Variants in FGGY observed in about 807,000 individuals in gnomAD.
The protein encoded by FGGY is FGGY carbohydrate kinase domain containing, also known as FGGY carbohydrate kinase domain-containing protein.
Under a neutral mutation model 71.3 loss-of-function variants are expected in FGGY, and 72 were observed. The observed-to-expected ratio is 1.01, with a 90% CI of 0.84 to 1.23. The LOEUF (loss-of-function observed/expected upper bound fraction) is 1.23, where lower values mean the gene tolerates loss of function less well. Ranked by LOEUF, FGGY falls within the 50% of genes most tolerant of loss-of-function variation. The probability of loss-of-function intolerance (pLI) is 0.00; values close to 1 mark genes in which losing one functional copy is unlikely to be tolerated. For missense variants in FGGY, 668 were observed against 682.3 expected, an observed-to-expected ratio of 0.98 and a Z score of 0.23; for synonymous variants, 251 against 250.3, an observed-to-expected ratio of 1.00 and a Z score of -0.02.
At chr1:59,514,271 A>G (rs11207464) in intron 7 of FGGY, among the ~76,000 whole-genome samples, 17,504 of 152,052 alleles carry the variant, frequency 0.12, 1,207 homozygotes, top group Admixed American at 0.18. Flanking sequence ...CTGGGTGACA[A>G]TCACTTGGCT....
chr1:59,586,882 T>C (rs974953068), intron 8 of FGGY, among the ~76,000 whole-genome samples: 1 of 152,162 alleles, frequency 6.6e-6, no homozygotes, highest in African/African-American at 2.4e-5. Context: ...AGACGGGTGA[T>C]TTCTGCATTT....
At position 59,607,789 on chromosome 1, in the gene FGGY, A is replaced by ATC. The variant is rs1347315710; in HGVS notation, c.904-12_904-11dup. The ATC allele has an allele frequency of 6.2e-7, 1 of 1,604,302 alleles. No individual in the cohort carries two copies. The highest frequency in any genetic ancestry group is 8.5e-7 in the Non-Finnish European group (1 of 1,171,892). On this transcript the variant is annotated splice_polypyrimidine_tract_variant and intron_variant, in intron 8 of 15. Coordinates refer to ENST00000303721, the MANE Select transcript of FGGY (RefSeq NM_018291.5). ...GAGTCAATGTTTTCACATATTTTCC[A>ATC]TCTTTCTTTCCAGATCAGCAAAGAC...
At chr1:59,437,867 A>G (rs957725333) in intron 5 of FGGY, among the ~76,000 whole-genome samples, 3 of 152,244 alleles carry the variant, frequency 2.0e-5, no homozygotes, top group African/African-American at 4.8e-5. Flanking sequence ...GTAGTGAAGT[A>G]GTGAGGCCCA....
chr1:59,451,738 T>G (rs942545742), intron 5 of FGGY, among the ~76,000 whole-genome samples: 3 of 151,838 alleles, frequency 2.0e-5, no homozygotes, highest in Non-Finnish European at 4.4e-5. Context: ...GTTGAAAATG[T>G]TTTTTTTGCC....
chr1:59,328,810 C>A (rs2047905297), intron 2 of FGGY, among the ~76,000 whole-genome samples: 1 of 150,778 alleles, frequency 6.6e-6, no homozygotes, highest in Non-Finnish European at 1.5e-5. Flanking sequence ...GGTAGGGATC[C>A]CTAAGGAGAG....
At position 59,700,500 on chromosome 1, in the gene FGGY, G is replaced by A. The variant is rs562140605; in HGVS notation, c.1512+26367G>A. Among the ~76,000 whole-genome samples the A allele has an allele frequency of 3.0e-4, 45 of 152,306 alleles. 1 individual carries two copies. The highest frequency in any genetic ancestry group is 8.7e-4 in the African/African-American group (36 of 41,564). On this transcript the variant is annotated intron_variant, in intron 14 of 15. Coordinates refer to ENST00000303721, the MANE Select transcript of FGGY (RefSeq NM_018291.5). ...GTAGTGCATGAGCTTATCACAGGTCGTGTGCAATAAGAGTTTATGTTATTA... is the reference window on the plus strand; with the variant it reads ...GTAGTGCATGAGCTTATCACAGGTCATGTGCAATAAGAGTTTATGTTATTA...
At chr1:59,519,032 A>T (rs2094745020) in intron 7 of FGGY, among the ~76,000 whole-genome samples, 1 of 152,226 alleles carries the variant, frequency 6.6e-6, no homozygotes, top group Non-Finnish European at 1.5e-5. Flanking sequence ...TATTTATCTT[A>T]CACTTAGTTC....
At chr1:59,382,382 C>T (rs1163616084) in intron 5 of FGGY, among the ~76,000 whole-genome samples, 1 of 152,152 alleles carries the variant, frequency 6.6e-6, no homozygotes, top group Non-Finnish European at 1.5e-5. Flanking sequence ...TGCGGTGAAA[C>T]AATCATTAGC....
At chr1:59,475,331 T>A (rs964522317) in intron 6 of FGGY, among the ~76,000 whole-genome samples, 1 of 152,078 alleles carries the variant, frequency 6.6e-6, no homozygotes, top group African/African-American at 2.4e-5. Flanking sequence ...AATCTTTAGC[T>A]TTTTTTCCAT....
intron 5 of FGGY, among the ~76,000 whole-genome samples, chr1:59,453,866 A>G (rs952217523): frequency 2.0e-5 from 3 of 152,192 alleles, no homozygotes; most frequent in Non-Finnish European, 4.4e-5. Context: ...CCTGCCTACA[A>G]TGTGGGGGAC....
At chr1:59,637,841 A>G (rs2096977096) in intron 10 of FGGY, among the ~76,000 whole-genome samples, 1 of 152,246 alleles carries the variant, frequency 6.6e-6, no homozygotes, top group Non-Finnish European at 1.5e-5. Context: ...TACAGTTTAC[A>G]AAATACTGCG....
intron 13 of FGGY, among the ~76,000 whole-genome samples, chr1:59,670,428 C>T (rs377054980): frequency 6.6e-6 from 1 of 152,192 alleles, no homozygotes; most frequent in Admixed American, 6.5e-5. Flanking sequence ...AAAACACATT[C>T]GAATTTGGGA....
intron 8 of FGGY, among the ~76,000 whole-genome samples, chr1:59,562,940 C>G (rs1216104840): frequency 6.6e-6 from 1 of 152,030 alleles, no homozygotes; most frequent in Non-Finnish European, 1.5e-5. Flanking sequence ...GAAAAAAGAT[C>G]GATTTTGTAT....
chr1:59,460,903 A>G (rs980928561), intron 6 of FGGY, among the ~76,000 whole-genome samples: 4 of 152,168 alleles, frequency 2.6e-5, no homozygotes, highest in African/African-American at 9.7e-5. Flanking sequence ...AACAAAAAGG[A>G]CATCCACAAC....
intron 14 of FGGY, among the ~76,000 whole-genome samples, chr1:59,716,719 G>A (rs1170175158): frequency 6.6e-6 from 1 of 152,232 alleles, no homozygotes; most frequent in Non-Finnish European, 1.5e-5. Flanking sequence ...GAACAAGAGA[G>A]CGGACAGGGG....
chr1:59,483,891 T>C (rs1005145998), intron 6 of FGGY, among the ~76,000 whole-genome samples: 1 of 151,638 alleles, frequency 6.6e-6, no homozygotes, highest in African/African-American at 2.4e-5. Flanking sequence ...TGAAAAAAAA[T>C]AAAAGATGAA....
At chr1:59,407,546 C>T (rs1347119315) in intron 5 of FGGY, among the ~76,000 whole-genome samples, 4 of 151,996 alleles carry the variant, frequency 2.6e-5, no homozygotes, top group Non-Finnish European at 5.9e-5. Flanking sequence ...CTAGCTCATC[C>T]ACGGGGAGAG....
At chr1:59,335,470 G>A (rs2049305295) in intron 2 of FGGY, among the ~76,000 whole-genome samples, 1 of 152,102 alleles carries the variant, frequency 6.6e-6, no homozygotes, top group African/African-American at 2.4e-5. Context: ...TGGATATTTG[G>A]TTGGTTTTCA....
rs1490862631 is a variant in FGGY, at chr1:59,644,626, CA to C, written c.1221+6252del. Among the ~76,000 whole-genome samples the C allele has an allele frequency of 2.8e-3, 419 of 152,016 alleles. 1 individual carries two copies. Among genetic ancestry groups the C allele is most frequent in the African/African-American group, 9.7e-3 (403 of 41,398 alleles). The stretch of plus-strand genomic sequence containing the variant: ...AAAACAAGACAGACACGCCCCCCCC[CA>C]CCCAAAGAAAAATGCTTACTTTTAA... On this transcript the variant is annotated intron_variant, in intron 11 of 15. Coordinates refer to ENST00000303721, the MANE Select transcript of FGGY (RefSeq NM_018291.5).
Sources: gnomAD v4.1 joint callset for allele counts (sites outside exome capture counted in the v4.1 genomes callset) on GRCh38, gnomAD v4.1.1 for gene constraint, MANE v1.5 for transcripts, NCBI Gene and HGNC (gene_info 2026-07-23, HGNC 2026-07-21) for gene names.